Variants in UBXN4 observed in about 807,000 individuals in gnomAD.
UBXN4 encodes the protein UBX domain protein 4, also known as UBX domain-containing protein 4.
A neutral mutation model predicts 66.2 loss-of-function variants in UBXN4; 35 were observed. The ratio of observed to expected loss-of-function variants is 0.53; its 90% CI spans 0.40 to 0.70. The LOEUF (loss-of-function observed/expected upper bound fraction) is 0.70. UBXN4 is among the 30% of genes least tolerant of loss of function. The probability of loss-of-function intolerance (pLI) is 0.00; values close to 1 mark genes in which losing one functional copy is unlikely to be tolerated. For missense variants in UBXN4, 533 were observed against 599.8 expected, an observed-to-expected ratio of 0.89 and a Z score of 1.16; for synonymous variants, 203 against 204.5, an observed-to-expected ratio of 0.99 and a Z score of 0.06.
At chr2:135,764,543 C>T (rs891661538) in intron 6 of UBXN4, among the ~76,000 whole-genome samples, 3 of 152,090 alleles carry the variant, frequency 2.0e-5, no homozygotes, top group African/African-American at 7.2e-5. Context: ...TGCCCTGTTG[C>T]CCAGGCTGGA....
chr2:135,761,671 C>A, intron 5 of UBXN4, 147 bp from the exon 6 acceptor site: 1 of 590,350 alleles, frequency 1.7e-6, no homozygotes, highest in Non-Finnish European at 2.7e-6. Flanking sequence ...TTAGTAATAG[C>A]ATATTTAGCT....
chr2:135,758,883 C>T (rs868574109), intron 5 of UBXN4, among the ~76,000 whole-genome samples: 6 of 151,912 alleles, frequency 3.9e-5, no homozygotes, highest in South Asian at 2.1e-4. Flanking sequence ...CTCAGCCTCC[C>T]GAGTAGCTGG....
At chr2:135,762,407 T>A (rs2077320764) in intron 6 of UBXN4, among the ~76,000 whole-genome samples, 2 of 152,226 alleles carry the variant, frequency 1.3e-5, no homozygotes, top group Admixed American at 6.5e-5. Context: ...TCTTTTATGC[T>A]GTGATTCCTA....
intron 6 of UBXN4, among the ~76,000 whole-genome samples, chr2:135,769,326 A>G (rs2105504271): frequency 6.6e-6 from 1 of 151,776 alleles, no homozygotes; most frequent in Non-Finnish European, 1.5e-5. Context: ...AACTTCTTAC[A>G]GTTGAGAATC....
intron 11 of UBXN4, among the ~76,000 whole-genome samples, chr2:135,779,627 G>A (rs1221524807): frequency 6.6e-6 from 1 of 151,956 alleles, no homozygotes; most frequent in Admixed American, 6.6e-5. Context: ...TAGCTCTCCA[G>A]TAATCAGGAT....
chr2:135,754,463 C>G (rs1046262912), intron 4 of UBXN4, among the ~76,000 whole-genome samples, 186 bp downstream of exon 4: 1 of 152,110 alleles, frequency 6.6e-6, no homozygotes, highest in African/African-American at 2.4e-5. Context: ...GCTGGGATTA[C>G]AGGCACCTGC....
In UBXN4 at chr2:135,782,813, T is replaced by C. The variant is rs1559545285; in HGVS notation, c.1453T>C (p.Tyr485His). 1 of 1,613,960 alleles carries C rather than the reference T, an allele frequency of 6.2e-7. No individual in the cohort carries two copies. Among genetic ancestry groups the C allele is most frequent in the South Asian group, 1.1e-5 (1 of 91,060 alleles). ...GDDFKKEGKIYRLRTQDDGED... is the reference protein window; with the variant it reads ...GDDFKKEGKIHRLRTQDDGED... ...CGACTTTAAAAAGGAGGGGAAAATT[T>C]ATAGATTAAGGACTCAAGATGATGG... Residue 485 changes from tyrosine to histidine, a missense_variant, in exon 13 of 13, where the codon TAT (tyrosine) becomes CAT (histidine). By Grantham distance (83) the Tyr-to-His change is moderately conservative. Coordinates refer to ENST00000272638, the MANE Select transcript of UBXN4 (RefSeq NM_014607.4).
intron 5 of UBXN4, among the ~76,000 whole-genome samples, chr2:135,755,950 A>G (rs1008897494): frequency 6.6e-5 from 10 of 152,196 alleles, no homozygotes; most frequent in Admixed American, 6.5e-4. Flanking sequence ...TGCATGCTTC[A>G]AGGAATGTCA....
chr2:135,762,781 G>A (rs1559540815), intron 6 of UBXN4, among the ~76,000 whole-genome samples: 1 of 152,056 alleles, frequency 6.6e-6, no homozygotes, highest in Non-Finnish European at 1.5e-5. Context: ...AAGAATAGCA[G>A]CAGGAAACTT....
intron 6 of UBXN4, among the ~76,000 whole-genome samples, chr2:135,763,496 A>G (rs1448790381): frequency 1.3e-5 from 2 of 152,214 alleles, no homozygotes; most frequent in Non-Finnish European, 2.9e-5. Flanking sequence ...TGGTATTTTA[A>G]AATCTATTTC....
rs2077474488 is a variant in UBXN4 at position 135,784,922 on chromosome 2, C to T, written c.*2035C>T. 6.6e-6 allele frequency: 1 copy of T among 152,196 alleles called. No homozygotes were observed. The highest frequency in any genetic ancestry group is 1.5e-5 in the Non-Finnish European group (1 of 67,980). The allele number at this position is 152,196 out of a possible 1,614,324, so 9.4% of individuals were successfully genotyped here. A position where few individuals can be genotyped will look rare whatever the true frequency, so the allele number is the denominator to read the frequency against. On this transcript the variant is annotated 3_prime_UTR_variant, in exon 13 of 13. Coordinates refer to ENST00000272638, the MANE Select transcript of UBXN4 (RefSeq NM_014607.4). ...AAGGCTGTAAAATGAGAATTCTGCC[C>T]CCTCACCTCTTACCCCAGTACTATT...
intron 8 of UBXN4, among the ~76,000 whole-genome samples, chr2:135,772,126 C>T (rs1040812711): frequency 6.6e-6 from 1 of 151,976 alleles, no homozygotes; most frequent in Non-Finnish European, 1.5e-5. Context: ...ATAAGATCAG[C>T]CTGGGCAACA....
In UBXN4 at chr2:135,769,783, T is replaced by A. The variant is rs2077371366; in HGVS notation, c.617T>A (p.Leu206His). ...NIRVERLTKK[L>H]EERREEKRKE... The stretch of plus-strand genomic sequence containing the variant: ...TTTTAATACAGACTAACAAAAAAAC[T>A]TGAAGAAAGGAGAGAAGAGAAAAGA... The change falls in exon 7 of 13, where the codon CTT becomes CAT. Residue 206 changes from leucine to histidine, a missense_variant. Physicochemically the swap from Leu to His is moderately conservative, Grantham distance 99. This residue lies in a region of UBXN4 where 529 missense variants were observed against 580.1 expected (regional missense o/e 0.91). Transcript: ENST00000272638. 1 of 1,590,516 alleles carries A rather than the reference T, an allele frequency of 6.3e-7. No individual in the cohort carries two copies. The highest frequency in any genetic ancestry group is 1.4e-5 in the African/African-American group (1 of 73,386).
chr2:135,755,663 T>C lies in UBXN4; in HGVS notation c.480T>C (p.Thr160=), dbSNP rs975694932. The C allele has an allele frequency of 1.9e-6, 3 of 1,573,090 alleles. No individual in the cohort carries two copies. The highest frequency in any genetic ancestry group is 3.6e-5 in the Admixed American group (2 of 56,024). Residue 160 remains threonine (T), a synonymous_variant, in exon 5 of 13, where the codon ACT becomes ACC. Transcript: ENST00000272638. The part of the protein sequence containing the change: ...RNAELCEIPP[T]SDTKSDTATG... Reference sequence around the variant, plus strand: ...CAGAGCTTTGTGAGATACCACCCACTTCTGATACAAAGTCAGATACTGCAA... The same window carrying C: ...CAGAGCTTTGTGAGATACCACCCACCTCTGATACAAAGTCAGATACTGCAA...
At chr2:135,769,743 TGGTG>T in intron 6 of UBXN4, 22 bp from the exon 7 acceptor site, 1 of 1,490,516 alleles carries the variant, frequency 6.7e-7, no homozygotes, top group Non-Finnish European at 9.1e-7. Flanking sequence ...TCTCAATTAG[TGGTG>T]GTTTTTTTTT....
intron 11 of UBXN4, among the ~76,000 whole-genome samples, chr2:135,779,854 ATAAT>A (rs1341849668): frequency 4.6e-5 from 6 of 131,010 alleles, no homozygotes; most frequent in Admixed American, 3.2e-4. Flanking sequence ...ATTATATAAA[ATAAT>A]TATATAAAAT....
At chr2:135,743,208 G>C (rs1175131232) in intron 1 of UBXN4, among the ~76,000 whole-genome samples, 1 of 152,190 alleles carries the variant, frequency 6.6e-6, no homozygotes, top group Admixed American at 6.5e-5. Flanking sequence ...CATTAAATTT[G>C]GAATTTATAA....
chr2:135,741,888 G>C lies in UBXN4; in HGVS notation c.-42G>C. The stretch of plus-strand genomic sequence containing the variant: ...AGGGCGGAGCCGGCTTCGGGACTGC[G>C]GAGACTACACACCGAGCGAGCGCCT... On this transcript the variant is annotated 5_prime_UTR_variant, in exon 1 of 13. Coordinates refer to ENST00000272638, the MANE Select transcript of UBXN4 (RefSeq NM_014607.4). 1.9e-6 allele frequency: 3 copies of C among 1,588,378 alleles called. No individual in the cohort carries two copies. The highest frequency in any genetic ancestry group is 2.6e-6 in the Non-Finnish European group (3 of 1,167,772).
At chr2:135,778,865 T>TGCCTTAA in intron 10 of UBXN4, 83 bp from the exon 11 acceptor site, 1 of 1,367,782 alleles carries the variant, frequency 7.3e-7, no homozygotes, top group Non-Finnish European at 9.7e-7. Context: ...AAGGCAATGT[T>TGCCTTAA]AATTAAAGCA....
Sources: allele counts gnomAD v4.1 joint callset (sites outside exome capture counted in the v4.1 genomes callset), GRCh38; gene constraint gnomAD v4.1.1; regional missense constraint gnomAD v4.1.1; transcripts MANE v1.5; gene names NCBI Gene and HGNC (gene_info 2026-07-23, HGNC 2026-07-21).